The following RBMS3 variants were observed in gnomAD, a reference collection of about 807,000 sequenced individuals.
The protein encoded by RBMS3 is RNA-binding motif, single-stranded-interacting protein 3.
Under a neutral mutation model 66.8 loss-of-function variants are expected in RBMS3, and 27 were observed. That is an observed-to-expected ratio of 0.40 (90% CI 0.30 to 0.56). The LOEUF is 0.56. RBMS3 is among the 20% of genes least tolerant of loss of function. RBMS3 has a pLI of 0.40. For synonymous variants in RBMS3, 188 were observed against 183.0 expected, an observed-to-expected ratio of 1.03 and a Z score of -0.22; for missense variants, 513 against 549.5, an observed-to-expected ratio of 0.93 and a Z score of 0.66.
At position 29,381,477 on chromosome 3, in the gene RBMS3, T is replaced by C. The variant is rs80260559; in HGVS notation, c.76-53266T>C. 6.4e-3 allele frequency among the ~76,000 whole-genome samples: 982 copies of C among 152,298 alleles called. 5 individuals carry two copies. The highest frequency in any genetic ancestry group is 0.027 in the Middle Eastern group (8 of 294). On this transcript the variant is annotated intron_variant, in intron 1 of 14. Transcript: ENST00000383767. Reference sequence around the variant, plus strand: ...TTGAGGTTTGGATAGATCCCTGTACTGTTATTATCCTGAAGTAGGGGTGGG... The same window carrying C: ...TTGAGGTTTGGATAGATCCCTGTACCGTTATTATCCTGAAGTAGGGGTGGG...
intron 7 of RBMS3, chr3:29,880,749 A>G: frequency 6.5e-7 from 1 of 1,531,254 alleles, no homozygotes; most frequent in Non-Finnish European, 8.8e-7. Context: ...ATGACCTGAC[A>G]CTATCTCTTG....
chr3:29,877,261 A>G (rs1027128868), intron 7 of RBMS3, among the ~76,000 whole-genome samples: 1 of 152,086 alleles, frequency 6.6e-6, no homozygotes, highest in Non-Finnish European at 1.5e-5. Flanking sequence ...GAGAGATAAA[A>G]CCCTGGCCCC....
chr3:29,991,490 T>C (rs998312024), intron 14 of RBMS3: 11 of 381,600 alleles, frequency 2.9e-5, no homozygotes, highest in African/African-American at 2.1e-4. Flanking sequence ...TGGAAGTGAC[T>C]AGGCCATATG....
intron 6 of RBMS3, among the ~76,000 whole-genome samples, chr3:29,865,993 T>C (rs1007852510): frequency 2.7e-5 from 4 of 148,902 alleles, no homozygotes; most frequent in African/African-American, 1.0e-4. Flanking sequence ...AGTTGCCTCA[T>C]AGAGTTGTAG....
Position 29,517,316 on chromosome 3 carries a change from TA to T in RBMS3, c.307+28818del, listed in dbSNP as rs1225346328. Reference sequence around the variant, plus strand: ...GTGTGTGTGTGTGTGTGTATATATATATATTTTTTTTTTGTTTTTTTTTTGA... The same window carrying T: ...GTGTGTGTGTGTGTGTGTATATATATTATTTTTTTTTTGTTTTTTTTTTGA... On this transcript the variant is annotated intron_variant, in intron 3 of 14. Coordinates refer to ENST00000383767, the MANE Select transcript of RBMS3 (RefSeq NM_001003793.3). Among the ~76,000 whole-genome samples the T allele has an allele frequency of 7.0e-3, 939 of 134,296 alleles. 7 individuals are homozygous for T. The highest frequency in any genetic ancestry group is 8.2e-3 in the Non-Finnish European group (545 of 66,250). 88.1% of individuals were successfully genotyped at this position (134,296 alleles called of 152,430 possible). A position where few individuals can be genotyped will look rare whatever the true frequency, so the allele number is the denominator to read the frequency against.
At chr3:29,617,412 A>G (rs1231099394) in intron 4 of RBMS3, among the ~76,000 whole-genome samples, 1 of 152,226 alleles carries the variant, frequency 6.6e-6, no homozygotes, top group Non-Finnish European at 1.5e-5. Context: ...AACTGTCAAA[A>G]CTAAGCTGGG....
intron 2 of RBMS3, among the ~76,000 whole-genome samples, chr3:29,475,060 A>C (rs1244024077): frequency 6.6e-6 from 1 of 152,164 alleles, no homozygotes; most frequent in African/African-American, 2.4e-5. Context: ...ATTCACTGAG[A>C]TAATATTGCA....
chr3:29,949,523 T>A (rs545370673), intron 12 of RBMS3, among the ~76,000 whole-genome samples: 3 of 151,878 alleles, frequency 2.0e-5, no homozygotes, highest in Non-Finnish European at 4.4e-5. Flanking sequence ...TATTCCAAAC[T>A]AAATACTGTC....
At chr3:29,522,437 G>A (rs1211055862) in intron 3 of RBMS3, among the ~76,000 whole-genome samples, 1 of 152,158 alleles carries the variant, frequency 6.6e-6, no homozygotes, top group East Asian at 1.9e-4. Context: ...CAGGTGATCG[G>A]CCCGCCTTTG....
chr3:29,476,529 G>T (rs894819625), intron 2 of RBMS3, among the ~76,000 whole-genome samples: 1 of 152,164 alleles, frequency 6.6e-6, no homozygotes, highest in African/African-American at 2.4e-5. Flanking sequence ...CCCTAGTATA[G>T]TTCCACAAGG....
intron 4 of RBMS3, among the ~76,000 whole-genome samples, chr3:29,731,460 T>C (rs1220842093): frequency 6.6e-6 from 1 of 152,082 alleles, no homozygotes; most frequent in Non-Finnish European, 1.5e-5. Flanking sequence ...CAGAAGACAA[T>C]TGAAAATATA....
At chr3:29,352,755 TC>T (rs1359137519) in intron 1 of RBMS3, among the ~76,000 whole-genome samples, 1 of 151,970 alleles carries the variant, frequency 6.6e-6, no homozygotes, top group Non-Finnish European at 1.5e-5. Flanking sequence ...CATAAACACT[TC>T]CCACCCTGTA....
At chr3:29,657,268 G>A (rs1300326787) in intron 4 of RBMS3, among the ~76,000 whole-genome samples, 1 of 152,176 alleles carries the variant, frequency 6.6e-6, no homozygotes, top group Non-Finnish European at 1.5e-5. Context: ...AGAAGATGCT[G>A]GAGATGGAAT....
intron 6 of RBMS3, among the ~76,000 whole-genome samples, chr3:29,814,670 G>A (rs1040074577): frequency 6.6e-6 from 1 of 152,136 alleles, no homozygotes; most frequent in Non-Finnish European, 1.5e-5. Context: ...CCTGTTATTG[G>A]TCTATTCAGA....
In RBMS3 at chr3:29,461,130, C is replaced by T. The variant is rs551942440; in HGVS notation, c.248+26215C>T. ...TTCTCATTTCCTTGTTAATGATTTACCATAACATTTCATTTTCTCCTCTTC... is the reference window on the plus strand; with the variant it reads ...TTCTCATTTCCTTGTTAATGATTTATCATAACATTTCATTTTCTCCTCTTC... On this transcript the variant is annotated intron_variant, in intron 2 of 14. Coordinates refer to ENST00000383767, the MANE Select transcript of RBMS3 (RefSeq NM_001003793.3). Among the ~76,000 whole-genome samples the T allele has an allele frequency of 2.0e-5, 3 of 152,262 alleles. 1 individual carries two copies. The highest frequency in any genetic ancestry group is 4.1e-4 in the South Asian group (2 of 4,826).
chr3:29,298,192 G>A (rs1385103716), intron 1 of RBMS3, among the ~76,000 whole-genome samples: 3 of 151,808 alleles, frequency 2.0e-5, no homozygotes, highest in Admixed American at 2.0e-4. Flanking sequence ...TGAATGATTG[G>A]TCTACATGAA....
rs552691720 is a variant in RBMS3, at chr3:29,397,001, T to C, written c.76-37742T>C. On this transcript the variant is annotated intron_variant, in intron 1 of 14. Coordinates refer to ENST00000383767, the MANE Select transcript of RBMS3 (RefSeq NM_001003793.3). Reference sequence around the variant, plus strand: ...TTTTTATTATTTATTATTAATGAAATGCAGTTGCCTTTGTAGCCTGCTGAG... The same window carrying C: ...TTTTTATTATTTATTATTAATGAAACGCAGTTGCCTTTGTAGCCTGCTGAG... Among the ~76,000 whole-genome samples the C allele has an allele frequency of 1.7e-3, 265 of 152,334 alleles. 1 individual carries two copies. Among genetic ancestry groups the C allele is most frequent in the Admixed American group, 3.1e-3 (48 of 15,296 alleles).
At chr3:29,502,185 G>A (rs1485700162) in intron 3 of RBMS3, among the ~76,000 whole-genome samples, 3 of 151,984 alleles carry the variant, frequency 2.0e-5, no homozygotes, top group Admixed American at 1.3e-4. Context: ...TTGAAGACAT[G>A]TGCATCTTCA....
chr3:29,733,367 C>CT (rs5847589), intron 4 of RBMS3, among the ~76,000 whole-genome samples: 58,928 of 148,342 alleles, frequency 0.4, 11,678 homozygotes, highest in African/African-American at 0.48. Flanking sequence ...TAGTTATTTC[C>CT]TTTTTTTTTT....
Sources: allele counts gnomAD v4.1 joint callset (sites outside exome capture counted in the v4.1 genomes callset), GRCh38; gene constraint gnomAD v4.1.1; transcripts MANE v1.5; gene names NCBI Gene and HGNC (gene_info 2026-07-23, HGNC 2026-07-21).